The following GPRC5A variants were observed in gnomAD, a reference collection of about 807,000 sequenced individuals.
The protein encoded by GPRC5A is retinoic acid-induced protein 3.
Under a neutral mutation model 22.5 loss-of-function variants are expected in GPRC5A, and 19 were observed. That is an observed-to-expected ratio of 0.85 (90% CI 0.59 to 1.24). GPRC5A has a LOEUF of 1.24. GPRC5A is among the 50% of genes most tolerant of loss of function. The pLI is 0.00. For missense variants in GPRC5A, 471 were observed against 451.1 expected (o/e 1.04, Z -0.40); for synonymous variants, 192 against 184.5 (o/e 1.04, Z -0.33).
At chr12:12,893,526 T>C (rs1863786758) in intron 1 of GPRC5A, among the ~76,000 whole-genome samples, 1 of 152,230 alleles carries the variant, frequency 6.6e-6, no homozygotes, top group African/African-American at 2.4e-5. Flanking sequence ...TCATTTTTAT[T>C]GCACTGTGGT....
Position 12,914,591 on chromosome 12 carries a change from T to TC in GPRC5A, c.*2053dup. On this transcript the variant is annotated 3_prime_UTR_variant, in exon 4 of 4. Coordinates refer to ENST00000014914, the MANE Select transcript of GPRC5A (RefSeq NM_003979.4). The stretch of plus-strand genomic sequence containing the variant: ...TTCTTTCTTTCTTTCTTTCTTTCTT[T>TC]CTTTCTCTCTCTCTCTCTCTCTCTC... 1.0e-5 allele frequency: 1 copy of TC among 98,774 alleles called. No homozygotes were observed. Among genetic ancestry groups the TC allele is most frequent in the African/African-American group, 6.1e-5 (1 of 16,342 alleles). 6.1% of individuals were successfully genotyped at this position (98,774 alleles called of 1,614,324 possible).
intron 1 of GPRC5A, among the ~76,000 whole-genome samples, chr12:12,892,547 A>G (rs1017432150): frequency 9.9e-5 from 15 of 152,114 alleles, no homozygotes; most frequent in Admixed American, 3.9e-4. Flanking sequence ...TTGTATTTTT[A>G]GTAGAGACGG....
Position 12,894,772 on chromosome 12 carries a change from G to GTTTTTTTTTTTT in GPRC5A, c.-8+3121_-8+3132dup, listed in dbSNP as rs56794431. 1.6e-4 allele frequency among the ~76,000 whole-genome samples: 11 copies of GTTTTTTTTTTTT among 67,462 alleles called. 2 individuals carry two copies. Among genetic ancestry groups the GTTTTTTTTTTTT allele is most frequent in the Non-Finnish European group, 1.8e-4 (7 of 38,856 alleles). The allele number at this position is 67,462 out of a possible 152,430, so 44.3% of individuals were successfully genotyped here. A position where few individuals can be genotyped will look rare whatever the true frequency, so the allele number is the denominator to read the frequency against. ...AGTTGGTGCATAAAAGTCTAGGATG[G>GTTTTTTTTTTTT]TTTTTTTTTTTTTTTTTTTTTTTTG... On this transcript the variant is annotated intron_variant, in intron 1 of 3. Transcript: ENST00000014914.
chr12:12,904,223 T>C (rs3782572), intron 1 of GPRC5A, among the ~76,000 whole-genome samples: 73,026 of 151,908 alleles, frequency 0.48, 18,517 homozygotes, highest in East Asian at 0.92. Context: ...TTCCTCTTTC[T>C]TATGTCAAAG....
chr12:12,903,178 C>T (rs545092137), intron 1 of GPRC5A, among the ~76,000 whole-genome samples: 74 of 152,014 alleles, frequency 4.9e-4, no homozygotes, highest in African/African-American at 1.7e-3. Context: ...GGAATGCAGA[C>T]GAAGCAAAAT....
intron 1 of GPRC5A, among the ~76,000 whole-genome samples, chr12:12,897,227 TAAAAA>T (rs5796515): frequency 1.5e-4 from 13 of 88,296 alleles, no homozygotes; most frequent in African/African-American, 6.1e-4. Context: ...GACCCTGTCT[TAAAAA>T]AAAAAAAAAA....
At position 12,914,098 on chromosome 12, in the gene GPRC5A, C is replaced by CA. The variant is rs1244090568; in HGVS notation, c.*1560dup. The stretch of plus-strand genomic sequence containing the variant: ...TAATCCAAGAAAGAGCTCTGTAGGG[C>CA]AGAGCAATAGGAAATCTCTCTTTCG... On this transcript the variant is annotated 3_prime_UTR_variant, in exon 4 of 4. Coordinates refer to ENST00000014914, the MANE Select transcript of GPRC5A (RefSeq NM_003979.4). 1 of 152,182 alleles carries CA rather than the reference C, an allele frequency of 6.6e-6. No homozygotes were observed. Among genetic ancestry groups the CA allele is most frequent in the Non-Finnish European group, 1.5e-5 (1 of 68,016 alleles). The allele number at this position is 152,182 out of a possible 1,614,324, so 9.4% of individuals were successfully genotyped here.
chr12:12,903,589 A>G (rs1863911458), intron 1 of GPRC5A, among the ~76,000 whole-genome samples: 1 of 152,210 alleles, frequency 6.6e-6, no homozygotes, highest in South Asian at 2.1e-4. Context: ...GGCTGGCCTA[A>G]ATAATGTTTA....
chr12:12,896,894 T>C (rs1863826714), intron 1 of GPRC5A, among the ~76,000 whole-genome samples: 1 of 152,146 alleles, frequency 6.6e-6, no homozygotes, highest in East Asian at 1.9e-4. Flanking sequence ...AAATATTTAA[T>C]TGTAAAAACC....
Position 12,897,227 on chromosome 12 carries a change from T to TAAA in GPRC5A, c.-8+5581_-8+5583dup, listed in dbSNP as rs5796515. ...TGGAGTACAGAGCAAGACCCTGTCT[T>TAAA]AAAAAAAAAAAAAAAAAAAAGGCCA... On this transcript the variant is annotated intron_variant, in intron 1 of 3. Coordinates refer to ENST00000014914, the MANE Select transcript of GPRC5A (RefSeq NM_003979.4). Among the ~76,000 whole-genome samples the TAAA allele has an allele frequency of 8.3e-3, 733 of 88,174 alleles. 24 individuals carry two copies. The highest frequency in any genetic ancestry group is 0.027 in the East Asian group (78 of 2,942). The allele number at this position is 88,174 out of a possible 152,430, so 57.8% of individuals were successfully genotyped here. A position where few individuals can be genotyped will look rare whatever the true frequency, so the allele number is the denominator to read the frequency against.
chr12:12,910,329 C>G (rs1296737339), intron 2 of GPRC5A, among the ~76,000 whole-genome samples: 1 of 152,156 alleles, frequency 6.6e-6, no homozygotes, highest in African/African-American at 2.4e-5. Context: ...AACCACCCAG[C>G]CCCTCCTGTC....
chr12:12,912,019 GATACA>G, intron 2 of GPRC5A, 60 bp from the exon 3 acceptor site: 1 of 939,882 alleles, frequency 1.1e-6, no homozygotes, highest in Admixed American at 1.8e-5. Flanking sequence ...TGTGATAAGT[GATACA>G]ATGGGGTGAA....
intron 1 of GPRC5A, among the ~76,000 whole-genome samples, chr12:12,898,993 C>T (rs1306531974): frequency 6.6e-6 from 1 of 152,138 alleles, no homozygotes; most frequent in African/African-American, 2.4e-5. Flanking sequence ...GATTATTATT[C>T]ATTCCAAGGG....
At chr12:12,903,895 C>T (rs1422293676) in intron 1 of GPRC5A, among the ~76,000 whole-genome samples, 1 of 152,330 alleles carries the variant, frequency 6.6e-6, no homozygotes, top group Non-Finnish European at 1.5e-5. Flanking sequence ...GATTTAGAGT[C>T]ATCAGGTTCA....
At chr12:12,893,586 T>C (rs1863787159) in intron 1 of GPRC5A, among the ~76,000 whole-genome samples, 1 of 152,192 alleles carries the variant, frequency 6.6e-6, no homozygotes, top group African/African-American at 2.4e-5. Context: ...AGATTTGTCT[T>C]TGTATTCTAA....
chr12:12,908,860 CG>C lies in GPRC5A; in HGVS notation c.614del (p.Gly205AlafsTer85). 1 of 1,614,148 alleles carries C rather than the reference CG, an allele frequency of 6.2e-7. No individual in the cohort carries two copies. The highest frequency in any genetic ancestry group is 8.5e-7 in the Non-Finnish European group (1 of 1,179,968). ...MSSFTFCGSF[T>X]GWKRHGAHIY... is the part of the protein sequence containing the mutation. ...TCCTTCACCTTCTGTGGTTCCTTCA[CG>C]GGCTGGAAGAGACATGGGGCCCACA... On this transcript the variant is annotated frameshift_variant, in exon 2 of 4. Transcript: ENST00000014914. LOFTEE classifies it high-confidence loss of function.
intron 2 of GPRC5A, among the ~76,000 whole-genome samples, chr12:12,910,870 C>A (rs968122067): frequency 7.0e-6 from 1 of 142,488 alleles, no homozygotes; most frequent in Non-Finnish European, 1.5e-5. Context: ...CACCATCTCT[C>A]TCTTTTTTTT....
intron 1 of GPRC5A, among the ~76,000 whole-genome samples, chr12:12,893,882 C>T (rs1863792463): frequency 6.6e-6 from 1 of 152,200 alleles, no homozygotes; most frequent in African/African-American, 2.4e-5. Flanking sequence ...CTGCCTCAGG[C>T]TCCCAAGTAG....
intron 1 of GPRC5A, among the ~76,000 whole-genome samples, chr12:12,896,921 A>G (rs902509023): frequency 1.3e-5 from 2 of 152,194 alleles, no homozygotes; most frequent in African/African-American, 4.8e-5. Flanking sequence ...AGATCGACAC[A>G]TTTAGAGTGC....
Sources: gnomAD v4.1 joint callset for allele counts (sites outside exome capture counted in the v4.1 genomes callset) on GRCh38, gnomAD v4.1.1 for gene constraint, MANE v1.5 for transcripts, NCBI Gene and HGNC (gene_info 2026-07-23, HGNC 2026-07-21) for gene names.